Variants in KCND3 observed in about 807,000 individuals in gnomAD.
KCND3 encodes the protein potassium voltage-gated channel subfamily D member 3, also known as A-type voltage-gated potassium channel KCND3.
Under a neutral mutation model 51.1 loss-of-function variants are expected in KCND3, and 9 were observed. That is an observed-to-expected ratio of 0.18 (90% CI 0.11 to 0.31). The LOEUF is 0.31. KCND3 is among the 10% of genes least tolerant of loss of function. The pLI is 1.00. For missense variants in KCND3, 526 were observed against 903.8 expected, an observed-to-expected ratio of 0.58 and a Z score of 5.36; for synonymous variants, 349 against 368.0, an observed-to-expected ratio of 0.95 and a Z score of 0.59.
chr1:111,869,223 T>C (rs999224935), intron 2 of KCND3, among the ~76,000 whole-genome samples: 9 of 152,276 alleles, frequency 5.9e-5, no homozygotes, highest in Middle Eastern at 3.4e-3. Context: ...ATTTCAGACT[T>C]TTTAAAAAAT....
In KCND3 at chr1:111,909,880, G is replaced by C. The variant is rs182536741; in HGVS notation, c.1106+71741C>G. Reference sequence around the variant, plus strand: ...ATTGAATGAGCTAATGCATGCCCACGTGCCCACCTCATGGTAAGAACTTCA... The same window carrying C: ...ATTGAATGAGCTAATGCATGCCCACCTGCCCACCTCATGGTAAGAACTTCA... On this transcript the variant is annotated intron_variant, in intron 2 of 7. Transcript: ENST00000302127. The C allele has an allele frequency of 3.3e-5, 5 of 152,216 alleles. No homozygotes were observed. In the South Asian group the frequency reaches 1.0e-3, roughly 32 times the overall value. 9.4% of individuals were successfully genotyped at this position (152,216 alleles called of 1,614,324 possible).
At chr1:111,980,014 G>C (rs1045868805) in intron 2 of KCND3, among the ~76,000 whole-genome samples, 7 of 152,146 alleles carry the variant, frequency 4.6e-5, no homozygotes, top group Non-Finnish European at 7.3e-5. Flanking sequence ...CCTTCAGGAA[G>C]GTGAAGGGAT....
chr1:111,930,909 G>A (rs915781842), intron 2 of KCND3, among the ~76,000 whole-genome samples: 15 of 152,230 alleles, frequency 9.9e-5, no homozygotes, highest in African/African-American at 2.9e-4. Context: ...AAAAGGTTGC[G>A]ATGCTACAAG....
At chr1:111,863,933 G>C (rs1430384539) in intron 2 of KCND3, among the ~76,000 whole-genome samples, 1 of 152,106 alleles carries the variant, frequency 6.6e-6, no homozygotes, top group African/African-American at 2.4e-5. Context: ...TGAGGAAGTG[G>C]GGAGGCTAGA....
At chr1:111,911,555 A>G (rs1211312294) in intron 2 of KCND3, among the ~76,000 whole-genome samples, 1 of 152,226 alleles carries the variant, frequency 6.6e-6, no homozygotes, top group Non-Finnish European at 1.5e-5. Context: ...TGCTGTATAT[A>G]GTTATATAGC....
intron 2 of KCND3, among the ~76,000 whole-genome samples, chr1:111,955,667 G>A (rs1047650566): frequency 6.6e-6 from 1 of 152,186 alleles, no homozygotes. Flanking sequence ...TCTGGTATAA[G>A]GCCTGACACA....
chr1:111,863,332 T>TA (rs56387776), intron 2 of KCND3, among the ~76,000 whole-genome samples: 34 of 147,858 alleles, frequency 2.3e-4, no homozygotes, highest in African/African-American at 5.2e-4. Flanking sequence ...TAGGAAACAG[T>TA]AAAAAAAAAA....
intron 2 of KCND3, among the ~76,000 whole-genome samples, chr1:111,973,652 C>T (rs970787009): frequency 2.6e-5 from 4 of 152,230 alleles, no homozygotes; most frequent in African/African-American, 7.2e-5. Flanking sequence ...GTGGTAGATT[C>T]GGCAGCTGCA....
At chr1:111,872,389 C>A (rs964644480) in intron 2 of KCND3, among the ~76,000 whole-genome samples, 10 of 152,190 alleles carry the variant, frequency 6.6e-5, no homozygotes, top group African/African-American at 2.4e-4. Flanking sequence ...CACTGAAGAA[C>A]CTTGTTTAAT....
Position 111,780,732 on chromosome 1 carries a change from G to T in KCND3, c.1329C>A (p.His443Gln). ...AKTGSSNAYL[H>Q]SKRNGLLNEA... The stretch of plus-strand genomic sequence containing the variant: ...CGTTGAGGAGCCCGTTGCGCTTGCT[G>T]TGCAGGTATGCATTCGAACTGCCTG... The change falls in exon 4 of 8, where the codon CAC becomes CAA. Residue 443 changes from histidine to glutamine, a missense_variant. Around this residue, in one of 5 missense-constraint regions of KCND3, gnomAD observed 266 missense variants for 305.5 expected, o/e 0.87. Transcript: ENST00000302127. This position sits in a 1 kb window ranked among gnomAD's most constrained non-coding sequence, Gnocchi z 4.2. 1 of 1,613,342 alleles carries T rather than the reference G, an allele frequency of 6.2e-7. No homozygotes were observed. The highest frequency in any genetic ancestry group is 8.5e-7 in the Non-Finnish European group (1 of 1,179,810).
At chr1:111,956,512 G>T (rs926761582) in intron 2 of KCND3, among the ~76,000 whole-genome samples, 2 of 152,132 alleles carry the variant, frequency 1.3e-5, no homozygotes, top group Non-Finnish European at 2.9e-5. Flanking sequence ...TGGAGGGTCT[G>T]GGCTGTGAGC....
chr1:111,840,181 C>T (rs1317175512), intron 2 of KCND3, among the ~76,000 whole-genome samples: 1 of 152,126 alleles, frequency 6.6e-6, no homozygotes, highest in Non-Finnish European at 1.5e-5. Flanking sequence ...GCAGTTATGA[C>T]CTAATCACTT....
At position 111,895,603 on chromosome 1, in the gene KCND3, G is replaced by A. The variant is rs141696158; in HGVS notation, c.1106+86018C>T. On this transcript the variant is annotated intron_variant, in intron 2 of 7. Transcript: ENST00000302127. ...TCAGGCCCTGATAGCAAACTGGCATGTTCCCTAGATCAGTCACCTTCCAGG... is the reference window on the plus strand; with the variant it reads ...TCAGGCCCTGATAGCAAACTGGCATATTCCCTAGATCAGTCACCTTCCAGG... Among the ~76,000 whole-genome samples the A allele has an allele frequency of 3.7e-3, 570 of 152,350 alleles. 8 individuals carry two copies. The highest frequency in any genetic ancestry group is 0.013 in the African/African-American group (541 of 41,586).
intron 2 of KCND3, among the ~76,000 whole-genome samples, chr1:111,831,974 C>T (rs558582729): frequency 5.4e-4 from 83 of 152,304 alleles, no homozygotes; most frequent in Non-Finnish European, 9.1e-4. Context: ...GCACAGGGCT[C>T]CAGGCATGGT....
chr1:111,859,902 C>T (rs1010453831), intron 2 of KCND3, among the ~76,000 whole-genome samples: 4 of 152,226 alleles, frequency 2.6e-5, no homozygotes, highest in Non-Finnish European at 5.9e-5. Flanking sequence ...CTGTCTCCTG[C>T]ACCCTACTGA....
At chr1:111,914,726 T>C (rs1288456151) in intron 2 of KCND3, among the ~76,000 whole-genome samples, 1 of 152,124 alleles carries the variant, frequency 6.6e-6, no homozygotes, top group East Asian at 1.9e-4. Context: ...AAAGCTGAGA[T>C]AAGTCATCAC....
At chr1:111,911,166 G>A (rs779298125) in intron 2 of KCND3, among the ~76,000 whole-genome samples, 39 of 152,204 alleles carry the variant, frequency 2.6e-4, no homozygotes, top group Non-Finnish European at 5.3e-4. Context: ...GGACAAGAGT[G>A]AAAAAGTGGC....
intron 1 of KCND3, among the ~76,000 whole-genome samples, chr1:111,985,048 C>T (rs1281095433): frequency 6.6e-6 from 1 of 152,178 alleles, no homozygotes; most frequent in African/African-American, 2.4e-5. Flanking sequence ...CACTGTCTCC[C>T]ATGGATTATC....
chr1:111,953,552 G>A (rs1673164615), intron 2 of KCND3, among the ~76,000 whole-genome samples: 1 of 152,206 alleles, frequency 6.6e-6, no homozygotes, highest in South Asian at 2.1e-4. Context: ...CTGGGAAACG[G>A]CCTGCCTAGA....
Sources: gnomAD v4.1 joint callset for allele counts (sites outside exome capture counted in the v4.1 genomes callset) on GRCh38, gnomAD v4.1.1 for gene constraint, gnomAD v4.1.1 regional missense constraint, Gnocchi (gnomAD v3.1) non-coding constraint, MANE v1.5 for transcripts, NCBI Gene and HGNC (gene_info 2026-07-23, HGNC 2026-07-21) for gene names.